Variants in PRSS55 observed in about 807,000 individuals in gnomAD.
PRSS55 encodes probable serine protease UNQ9391/PRO34284.
In PRSS55, 41 loss-of-function variants were observed where a neutral mutation model predicts 23.6. The ratio of observed to expected loss-of-function variants is 1.74; its 90% CI spans 1.35 to 2.26. The LOEUF is 2.26. Among genes scored for constraint, PRSS55 ranks in the 30% most tolerant of loss-of-function variants. The probability of loss-of-function intolerance (pLI) is 0.00; values close to 1 mark genes in which losing one functional copy is unlikely to be tolerated. For synonymous variants in PRSS55, 262 were observed against 175.5 expected, an observed-to-expected ratio of 1.49 and a Z score of -3.90; for missense variants, 669 against 439.1, an observed-to-expected ratio of 1.52 and a Z score of -4.68.
chr8:10,551,413 G>T (rs1323762501), intron 4 of PRSS55, among the ~76,000 whole-genome samples: 2 of 152,210 alleles, frequency 1.3e-5, no homozygotes, highest in African/African-American at 4.8e-5. Context: ...AAGACAGGCA[G>T]TGCCCGGTGG....
At chr8:10,532,198 T>TGAA (rs1402388191) in intron 3 of PRSS55, among the ~76,000 whole-genome samples, 1 of 152,000 alleles carries the variant, frequency 6.6e-6, no homozygotes, top group African/African-American at 2.4e-5. Flanking sequence ...CAACCGTGGG[T>TGAA]GTTTCAGGAG....
chr8:10,542,415 G>C (rs1223352764), downstream of PRSS55, among the ~76,000 whole-genome samples: 2 of 2,846 alleles, frequency 7.0e-4, no homozygotes, highest in African/African-American at 1.5e-3. Flanking sequence ...AGCACCATGC[G>C]GGGGAAAAAA....
At position 10,531,451 on chromosome 8, in the gene PRSS55, C is replaced by G; in HGVS notation, c.504C>G (p.Leu168=). 6.2e-7 allele frequency: 1 copy of G among 1,614,178 alleles called. No individual in the cohort carries two copies. The highest frequency in any genetic ancestry group is 1.1e-5 in the South Asian group (1 of 91,092). The change falls in exon 3 of 5, where the codon CTC becomes CTG. Residue 168 remains leucine, a synonymous_variant. Coordinates refer to ENST00000328655, the MANE Select transcript of PRSS55 (RefSeq NM_198464.4). The part of the protein sequence containing the change: ...ALLLLASPIK[L]DDLKVPICLP... ...TGCTGCTGGCTTCGCCCATCAAGCTCGATGACCTGAAGGTGCCCATCTGCC... is the reference window on the plus strand; with the variant it reads ...TGCTGCTGGCTTCGCCCATCAAGCTGGATGACCTGAAGGTGCCCATCTGCC...
intron 4 of PRSS55, among the ~76,000 whole-genome samples, chr8:10,536,507 A>G (rs1335678524): frequency 6.6e-6 from 1 of 152,176 alleles, no homozygotes; most frequent in African/African-American, 2.4e-5. Flanking sequence ...CAGCAATCTC[A>G]ATACTGGTAC....
intron 4 of PRSS55, among the ~76,000 whole-genome samples, chr8:10,551,949 A>T (rs939181701): frequency 2.6e-5 from 4 of 152,216 alleles, no homozygotes; most frequent in Admixed American, 2.0e-4. Flanking sequence ...CAGTTAAACG[A>T]CAGAAACATT....
chr8:10,539,735 G>T (rs977089631), downstream of PRSS55, among the ~76,000 whole-genome samples: 1 of 152,162 alleles, frequency 6.6e-6, no homozygotes, highest in African/African-American at 2.4e-5. Flanking sequence ...CATGTAAGAT[G>T]TGCCTTTTGC....
chr8:10,546,977 C>T (rs1378321048), intron 4 of PRSS55, among the ~76,000 whole-genome samples: 2 of 152,138 alleles, frequency 1.3e-5, no homozygotes, highest in South Asian at 2.1e-4. Flanking sequence ...CCACGGTGTC[C>T]GACCCAGCCC....
chr8:10,543,411 T>TTTA (rs1158170166), downstream of PRSS55, among the ~76,000 whole-genome samples: 1 of 112,658 alleles, frequency 8.9e-6, no homozygotes, highest in Non-Finnish European at 1.9e-5. Flanking sequence ...CTTTCTTTCT[T>TTTA]TCTTCTTTCT....
At chr8:10,527,303 G>A (rs942725678) in intron 1 of PRSS55, among the ~76,000 whole-genome samples, 14 of 152,198 alleles carry the variant, frequency 9.2e-5, no homozygotes, top group Non-Finnish European at 4.4e-5. Flanking sequence ...AGAGATCGCT[G>A]CAGTGAACAT....
chr8:10,544,084 T>C (rs1812747493), intron 4 of PRSS55, among the ~76,000 whole-genome samples: 1 of 152,178 alleles, frequency 6.6e-6, no homozygotes, highest in Non-Finnish European at 1.5e-5. Context: ...TTGTTAATCT[T>C]CTGTATAGTT....
chr8:10,527,856 A>T (rs1194843292), intron 1 of PRSS55, among the ~76,000 whole-genome samples: 1 of 152,230 alleles, frequency 6.6e-6, no homozygotes, highest in East Asian at 1.9e-4. Context: ...AGTGCTTGCA[A>T]CAGTGCCTGA....
Position 10,533,048 on chromosome 8 carries a change from G to C in PRSS55, c.741G>C (p.Lys247Asn). The change falls in exon 4 of 5, where the codon AAG becomes AAC. Residue 247 changes from lysine to asparagine, a missense_variant and splice_region_variant. Lys to Asn is a moderately conservative substitution (Grantham distance 94). Coordinates refer to ENST00000328655, the MANE Select transcript of PRSS55 (RefSeq NM_198464.4). ...AGAATGAGAGCTATGATGCCTGCAAGGTAACTAGGGGGTACCCTCCCTCAC... is the reference window on the plus strand; with the variant it reads ...AGAATGAGAGCTATGATGCCTGCAACGTAACTAGGGGGTACCCTCCCTCAC... ...GYKNESYDAC[K>N]GDSGGPLVCT... is the part of the protein sequence containing the mutation. 1.2e-6 allele frequency: 2 copies of C among 1,614,166 alleles called. No individual in the cohort carries two copies. Among genetic ancestry groups the C allele is most frequent in the Non-Finnish European group, 1.7e-6 (2 of 1,180,008 alleles).
At chr8:10,545,591 T>C (rs1812796865) in intron 4 of PRSS55, among the ~76,000 whole-genome samples, 1 of 152,226 alleles carries the variant, frequency 6.6e-6, no homozygotes, top group African/African-American at 2.4e-5. Flanking sequence ...ACCCAGACTT[T>C]AATCACCAAG....
downstream of PRSS55, chr8:10,538,869 G>C (rs565347082): frequency 2.9e-6 from 4 of 1,394,614 alleles, no homozygotes; most frequent in African/African-American, 4.3e-5. Context: ...TCTGTCTGCA[G>C]CTCAGGGCTC....
intron 4 of PRSS55, 92 bp from the exon 5 acceptor site, chr8:10,538,384 G>A (rs781502078): frequency 1.4e-5 from 14 of 1,013,198 alleles, no homozygotes; most frequent in Non-Finnish European, 2.0e-5. Context: ...GAGTTGGGGA[G>A]GCTGAGGAAT....
chr8:10,535,190 A>G lies in PRSS55; in HGVS notation c.741+2142A>G, dbSNP rs573501425. The stretch of plus-strand genomic sequence containing the variant: ...CTATCCCTATCAAACTACCAATGAC[A>G]TTATTCACAGAATTAGAAAAAAATT... On this transcript the variant is annotated intron_variant, in intron 4 of 4. Coordinates refer to ENST00000328655, the MANE Select transcript of PRSS55 (RefSeq NM_198464.4). Among the ~76,000 whole-genome samples the G allele has an allele frequency of 2.0e-5, 3 of 152,338 alleles. No homozygotes were observed. In the East Asian group the frequency reaches 5.8e-4, roughly 29 times the overall value.
At chr8:10,539,520 T>C (rs1812582885), downstream of PRSS55, among the ~76,000 whole-genome samples, 1 of 152,242 alleles carries the variant, frequency 6.6e-6, no homozygotes, top group Non-Finnish European at 1.5e-5. Flanking sequence ...CTGATATGGT[T>C]TGGCTATGTC....
intron 2 of PRSS55, among the ~76,000 whole-genome samples, chr8:10,530,775 C>T (rs181205936): frequency 3.1e-4 from 47 of 152,262 alleles, no homozygotes; most frequent in African/African-American, 1.1e-3. Context: ...TTGTGGCACC[C>T]GCTGTCGTGG....
chr8:10,543,478 C>CTTTTTTTT (rs61064986), downstream of PRSS55, among the ~76,000 whole-genome samples: 1 of 101,634 alleles, frequency 9.8e-6, no homozygotes, highest in African/African-American at 4.4e-5. Flanking sequence ...CTTTCTTTCT[C>CTTTTTTTT]TCTTTTTTTT....
Sources: gnomAD v4.1 joint callset for allele counts (sites outside exome capture counted in the v4.1 genomes callset) on GRCh38, gnomAD v4.1.1 for gene constraint, MANE v1.5 for transcripts, NCBI Gene and HGNC (gene_info 2026-07-23, HGNC 2026-07-21) for gene names.